The following PCDHA3 variants were observed in gnomAD, a reference collection of about 807,000 sequenced individuals.
PCDHA3 encodes the protein protocadherin alpha-3.
PCDHA3 carries 41 observed loss-of-function variants against 62.2 expected under a neutral mutation model. The ratio of observed to expected loss-of-function variants is 0.66; its 90% CI spans 0.51 to 0.86. PCDHA3 has a LOEUF of 0.86. Among genes scored for constraint, PCDHA3 ranks in the 40% least tolerant of loss-of-function variants. The pLI is 0.00. For missense variants in PCDHA3, 1,304 were observed against 1,241.2 expected, an observed-to-expected ratio of 1.05 and a Z score of -0.76; for synonymous variants, 640 against 555.4, an observed-to-expected ratio of 1.15 and a Z score of -2.14.
chr5:140,960,111 A>G (rs1554224465), intron 1 of PCDHA3, among the ~76,000 whole-genome samples: 1 of 152,256 alleles, frequency 6.6e-6, no homozygotes, highest in African/African-American at 2.4e-5. Flanking sequence ...TGTGGGAACA[A>G]TAGTATTCCT....
At chr5:140,965,607 T>C (rs2095916367) in intron 1 of PCDHA3, among the ~76,000 whole-genome samples, 1 of 152,088 alleles carries the variant, frequency 6.6e-6, no homozygotes, top group Non-Finnish European at 1.5e-5. Flanking sequence ...CTTGAAGACA[T>C]TGTCATCCAT....
chr5:140,805,986 T>C (rs913758616), intron 1 of PCDHA3, among the ~76,000 whole-genome samples: 5 of 152,158 alleles, frequency 3.3e-5, no homozygotes, highest in Non-Finnish European at 7.4e-5. Context: ...AAAATATATA[T>C]TCCAAAAAAG....
chr5:140,822,764 C>T, intron 1 of PCDHA3: 1 of 1,613,898 alleles, frequency 6.2e-7, no homozygotes, highest in Admixed American at 1.7e-5. Context: ...TTCCCATTAT[C>T]AGGACACTGT....
intron 1 of PCDHA3, chr5:140,834,458 G>A: frequency 6.2e-7 from 1 of 1,614,178 alleles, no homozygotes; most frequent in Non-Finnish European, 8.5e-7. Context: ...CAGCTTGGGA[G>A]GCAGGGAGAG....
At chr5:140,836,085 C>T in intron 1 of PCDHA3, 1 of 1,613,676 alleles carries the variant, frequency 6.2e-7, no homozygotes, top group South Asian at 1.1e-5. Flanking sequence ...ACTGCTGGCG[C>T]CTCGGGTGGG....
chr5:140,892,417 G>A lies in PCDHA3; in HGVS notation c.2395-86532G>A, dbSNP rs78605430. 5.2e-3 allele frequency among the ~76,000 whole-genome samples: 785 copies of A among 152,216 alleles called. 8 individuals are homozygous for A. Among genetic ancestry groups the A allele is most frequent in the Non-Finnish European group, 8.7e-3 (594 of 68,002 alleles). ...TCTATTTCAAGCTTCAGGTATTCTA[G>A]ATAAAACCTCATTATCTAAAATTTA... On this transcript the variant is annotated intron_variant, in intron 1 of 3. Transcript: ENST00000522353.
chr5:140,859,016 T>C (rs926930282), intron 1 of PCDHA3: 1 of 151,606 alleles, frequency 6.6e-6, no homozygotes, highest in African/African-American at 2.4e-5. Context: ...TCTTAGCAAT[T>C]AAGTTAAATG....
chr5:140,966,541 G>A (rs2096018356), intron 1 of PCDHA3: 2 of 462,844 alleles, frequency 4.3e-6, no homozygotes, highest in Admixed American at 4.3e-5. Context: ...TGAGCGACTC[G>A]GAGGCGAGCG....
intron 1 of PCDHA3, chr5:140,809,050 G>T (rs374806592): frequency 8.1e-6 from 13 of 1,613,754 alleles, no homozygotes; most frequent in Non-Finnish European, 1.1e-5. Context: ...CGCGCATCCC[G>T]TTCCGCGTGG....
intron 1 of PCDHA3, chr5:140,870,409 G>A (rs2051982376): frequency 1.9e-6 from 3 of 1,614,226 alleles, no homozygotes; most frequent in African/African-American, 1.3e-5. Context: ...TTCTCTGTGG[G>A]CCACGGCCAG....
At chr5:140,806,887 A>G (rs1763806968) in intron 1 of PCDHA3, 1 of 430,892 alleles carries the variant, frequency 2.3e-6, no homozygotes, top group Non-Finnish European at 4.2e-6. Flanking sequence ...TACAAAATGT[A>G]TTCCTATTCT....
intron 1 of PCDHA3, chr5:140,882,534 G>A (rs1554174427): frequency 8.7e-6 from 14 of 1,614,086 alleles, no homozygotes; most frequent in Non-Finnish European, 1.1e-5. Flanking sequence ...GTGAATTCTC[G>A]GATCGACCGC....
At chr5:140,824,277 C>A in intron 1 of PCDHA3, 1 of 1,143,246 alleles carries the variant, frequency 8.7e-7, no homozygotes, top group Non-Finnish European at 1.3e-6. Context: ...GTATTATATG[C>A]TTTTTATGAG....
rs1405025133 is a variant in PCDHA3, at chr5:140,828,918, C to A, written c.2394+25327C>A. The A allele has an allele frequency of 5.6e-6, 9 of 1,614,104 alleles. 1 individual carries two copies. The highest frequency in any genetic ancestry group is 7.6e-6 in the Non-Finnish European group (9 of 1,180,046). On this transcript the variant is annotated intron_variant, in intron 1 of 3. Transcript: ENST00000522353. ...GATCGGGATGAAGGAGCGAATGGGG[C>A]AATTTCATATTCTTTTAATAGCCTT... is the stretch of plus-strand genomic sequence containing the variant.
At position 140,803,133 on chromosome 5, in the gene PCDHA3, C is replaced by T. The variant is rs1554122593; in HGVS notation, c.1936C>T (p.Arg646Cys). The T allele has an allele frequency of 3.1e-6, 5 of 1,613,844 alleles. No individual in the cohort carries two copies. The South Asian group carries it at 4.4e-5, about 14-fold the overall frequency. ...GGACGAGGTGGACGCCCCGCGCCAT[C>T]GCCTACTGGTGCTGGTGAAGGACCA... is the stretch of plus-strand genomic sequence containing the variant. Reference protein sequence around the residue: ...ALDEVDAPRHRLLVLVKDHGE... With the variant: ...ALDEVDAPRHCLLVLVKDHGE... Residue 646 changes from arginine to cysteine, a missense_variant, in exon 1 of 4, where the codon CGC (arginine) becomes TGC (cysteine). Transcript: ENST00000522353.
chr5:140,853,678 AC>A, intron 1 of PCDHA3: 1 of 988,418 alleles, frequency 1.0e-6, no homozygotes, highest in Non-Finnish European at 1.2e-6. Context: ...CCTATGGTCA[AC>A]CTATCCTTAG....
At chr5:140,834,495 G>A in intron 1 of PCDHA3, 1 of 1,614,142 alleles carries the variant, frequency 6.2e-7, no homozygotes, top group Non-Finnish European at 8.5e-7. Context: ...GGTCCCCGAG[G>A]AGGCTAAACA....
chr5:140,925,952 ACTG>A (rs1295981015), intron 1 of PCDHA3, among the ~76,000 whole-genome samples: 1 of 151,952 alleles, frequency 6.6e-6, no homozygotes, highest in Non-Finnish European at 1.5e-5. Flanking sequence ...AGAAGGAGAA[ACTG>A]CTATCACGCA....
chr5:140,804,025 T>C (rs2149975978), intron 1 of PCDHA3: 1 of 201,702 alleles, frequency 5.0e-6, no homozygotes, highest in South Asian at 1.1e-4. Flanking sequence ...TTTTATGAGT[T>C]CACCTAATGC....
Sources: allele counts gnomAD v4.1 joint callset (sites outside exome capture counted in the v4.1 genomes callset), GRCh38; gene constraint gnomAD v4.1.1; transcripts MANE v1.5; gene names NCBI Gene and HGNC (gene_info 2026-07-23, HGNC 2026-07-21).